The following ADAM22 variants were observed in gnomAD, a reference collection of about 807,000 sequenced individuals.
ADAM22 encodes ADAM metallopeptidase domain 22.
ADAM22 carries 65 observed loss-of-function variants against 144.6 expected under a neutral mutation model. The observed-to-expected ratio is 0.45, with a 90% CI of 0.37 to 0.55. ADAM22 has a LOEUF of 0.55. ADAM22 is among the 20% of genes least tolerant of loss of function. The probability of loss-of-function intolerance (pLI) is 0.00; values close to 1 mark genes in which losing one functional copy is unlikely to be tolerated. For synonymous variants in ADAM22, 391 were observed against 412.6 expected, an observed-to-expected ratio of 0.95 and a Z score of 0.63; for missense variants, 974 against 1,184.9, an observed-to-expected ratio of 0.82 and a Z score of 2.61.
At chr7:87,944,064 GA>G (rs1200778307) in intron 2 of ADAM22, among the ~76,000 whole-genome samples, 1 of 151,988 alleles carries the variant, frequency 6.6e-6, no homozygotes, top group Non-Finnish European at 1.5e-5. Flanking sequence ...AGTTGTGTGA[GA>G]CCACTTATTC....
chr7:88,009,726 A>G (rs538047447), intron 3 of ADAM22, among the ~76,000 whole-genome samples: 4 of 152,336 alleles, frequency 2.6e-5, no homozygotes, highest in Admixed American at 2.6e-4. Flanking sequence ...AAAATTTTCC[A>G]TAGACTAGCT....
chr7:87,975,721 T>C (rs1851747889), intron 2 of ADAM22, among the ~76,000 whole-genome samples: 1 of 152,244 alleles, frequency 6.6e-6, no homozygotes, highest in South Asian at 2.1e-4. Context: ...CAATCCAAGC[T>C]GTAATCATGA....
At chr7:87,974,592 C>A (rs566198643) in intron 2 of ADAM22, among the ~76,000 whole-genome samples, 1 of 152,162 alleles carries the variant, frequency 6.6e-6, no homozygotes, top group Non-Finnish European at 1.5e-5. Flanking sequence ...ACATTGAATA[C>A]TGGTGCAATG....
chr7:87,955,991 T>G (rs1426633757), intron 2 of ADAM22, among the ~76,000 whole-genome samples: 3 of 152,180 alleles, frequency 2.0e-5, no homozygotes, highest in African/African-American at 7.2e-5. Context: ...AAGCGCAGTA[T>G]TCGGGTGGGA....
chr7:88,116,724 C>T, intron 6 of ADAM22, 21 bp from the exon 7 acceptor site: 2 of 1,601,056 alleles, frequency 1.2e-6, no homozygotes, highest in Non-Finnish European at 1.7e-6. Context: ...TGCTTAATCA[C>T]TGTTGCTTGT....
At chr7:87,985,643 A>G (rs1257715133) in intron 3 of ADAM22, among the ~76,000 whole-genome samples, 1 of 152,156 alleles carries the variant, frequency 6.6e-6, no homozygotes, top group Non-Finnish European at 1.5e-5. Flanking sequence ...GTGTCAGTTC[A>G]TTCCTTTTAT....
intron 3 of ADAM22, among the ~76,000 whole-genome samples, chr7:88,064,327 C>CA (rs1810643187): frequency 6.6e-6 from 1 of 152,142 alleles, no homozygotes; most frequent in Non-Finnish European, 1.5e-5. Context: ...GCTTTGTAGT[C>CA]AGGCTATCTG....
chr7:88,114,436 G>T (rs906359989), intron 5 of ADAM22, 148 bp from the exon 6 acceptor site: 10 of 655,000 alleles, frequency 1.5e-5, no homozygotes, highest in Non-Finnish European at 2.7e-5. Context: ...TCTCAGTGGT[G>T]TGTGTGGTGT....
chr7:88,031,647 A>G (rs961123911), intron 3 of ADAM22, among the ~76,000 whole-genome samples: 1 of 152,226 alleles, frequency 6.6e-6, no homozygotes, highest in Non-Finnish European at 1.5e-5. Context: ...GAACAAAGAG[A>G]TTATCTGAAC....
chr7:88,169,353 C>T (rs1019396441), intron 25 of ADAM22, among the ~76,000 whole-genome samples: 3 of 152,072 alleles, frequency 2.0e-5, no homozygotes, highest in African/African-American at 7.2e-5. Context: ...GAGTACAGCA[C>T]AGTAGTAAGC....
intron 3 of ADAM22, among the ~76,000 whole-genome samples, chr7:88,025,791 C>CA: frequency 6.6e-6 from 1 of 152,252 alleles, no homozygotes; most frequent in South Asian, 2.1e-4. Context: ...ATTTTGAAGA[C>CA]AGGTAATATG....
At chr7:88,007,089 G>A (rs983177954) in intron 3 of ADAM22, among the ~76,000 whole-genome samples, 2 of 152,268 alleles carry the variant, frequency 1.3e-5, no homozygotes, top group East Asian at 3.9e-4. Flanking sequence ...AAAATCACAA[G>A]CATTCTTATA....
chr7:88,056,600 T>G (rs1210904666), intron 3 of ADAM22, among the ~76,000 whole-genome samples: 1 of 152,214 alleles, frequency 6.6e-6, no homozygotes, highest in Non-Finnish European at 1.5e-5. Context: ...TCCAAAGGCC[T>G]TAGATAATCA....
Position 88,202,876 on chromosome 7 carries a change from TTA to T in ADAM22, c.*6387_*6388del, listed in dbSNP as rs1851293228. 1 of 152,192 alleles carries T rather than the reference TTA, an allele frequency of 6.6e-6. No individual in the cohort carries two copies. Among genetic ancestry groups the T allele is most frequent in the Non-Finnish European group, 1.5e-5 (1 of 68,042 alleles). 9.4% of individuals were successfully genotyped at this position (152,192 alleles called of 1,614,324 possible). ...AGTAAAGTGACTTTCAATAAAAGAT[TTA>T]TGTTATTTTGATGCACGACTCTTCT... On this transcript the variant is annotated 3_prime_UTR_variant, in exon 32 of 32. Transcript: ENST00000413139.
chr7:88,000,745 T>A (rs538658067), intron 3 of ADAM22, among the ~76,000 whole-genome samples: 6 of 152,266 alleles, frequency 3.9e-5, no homozygotes, highest in African/African-American at 1.4e-4. Context: ...TGGATACCAG[T>A]ACTGATGATG....
chr7:88,145,039 A>G, intron 15 of ADAM22, 86 bp from the exon 16 acceptor site: 1 of 1,075,362 alleles, frequency 9.3e-7, no homozygotes, highest in South Asian at 1.5e-5. Flanking sequence ...CAGGGCAGGT[A>G]TATTTGGGTA....
intron 4 of ADAM22, among the ~76,000 whole-genome samples, chr7:88,102,813 A>G (rs1428206057): frequency 6.6e-6 from 1 of 152,184 alleles, no homozygotes; most frequent in Non-Finnish European, 1.5e-5. Flanking sequence ...ACCTGTTTAT[A>G]TAGCACTTTA....
At chr7:88,135,541 A>G (rs1832817699) in intron 13 of ADAM22, among the ~76,000 whole-genome samples, 1 of 152,116 alleles carries the variant, frequency 6.6e-6, no homozygotes, top group African/African-American at 2.4e-5. Flanking sequence ...CTTCTGCCTA[A>G]CCAATAATAT....
At chr7:88,113,718 A>ATATATATG (rs1826896586) in intron 5 of ADAM22, among the ~76,000 whole-genome samples, 1 of 114,104 alleles carries the variant, frequency 8.8e-6, no homozygotes, top group Non-Finnish European at 1.8e-5. Flanking sequence ...ATATATATAT[A>ATATATATG]TATATATATA....
Sources: allele counts gnomAD v4.1 joint callset (sites outside exome capture counted in the v4.1 genomes callset), GRCh38; gene constraint gnomAD v4.1.1; transcripts MANE v1.5; gene names NCBI Gene and HGNC (gene_info 2026-07-23, HGNC 2026-07-21).